Variants in ARHGEF11 observed in about 807,000 individuals in gnomAD.
ARHGEF11 encodes Rho guanine exchange factor (GEF) 11.
A neutral mutation model predicts 193.7 loss-of-function variants in ARHGEF11; 55 were observed. The ratio of observed to expected loss-of-function variants is 0.28; its 90% confidence interval spans 0.23 to 0.36. ARHGEF11 has a LOEUF of 0.36. ARHGEF11 is among the 10% of genes least tolerant of loss of function. The probability of loss-of-function intolerance (pLI) is 1.00; values close to 1 mark genes in which losing one functional copy is unlikely to be tolerated. For synonymous variants in ARHGEF11, 693 were observed against 768.0 expected (o/e 0.90, Z 1.62); for missense variants, 1,723 against 2,005.6 (o/e 0.86, Z 2.69).
At chr1:156,975,884 G>A (rs886463608) in intron 7 of ARHGEF11, among the ~76,000 whole-genome samples, 8 of 152,130 alleles carry the variant, frequency 5.3e-5, no homozygotes, top group African/African-American at 1.9e-4. Context: ...AGATGTATGG[G>A]TTAATTTCTG....
chr1:156,956,882 T>C (rs1660034144), intron 18 of ARHGEF11, among the ~76,000 whole-genome samples: 1 of 152,162 alleles, frequency 6.6e-6, no homozygotes, highest in Admixed American at 6.5e-5. Flanking sequence ...TTCCCTAAAA[T>C]GTAAGTAAAT....
At chr1:156,951,539 G>C (rs777488914) in intron 22 of ARHGEF11, 34 bp downstream of exon 22, 2 of 1,611,594 alleles carry the variant, frequency 1.2e-6, no homozygotes, top group Non-Finnish European at 8.5e-7. Flanking sequence ...CCCACTCTTC[G>C]AGCAGCTGGC....
At chr1:157,000,035 C>T (rs1213205467) in intron 1 of ARHGEF11, among the ~76,000 whole-genome samples, 1 of 152,228 alleles carries the variant, frequency 6.6e-6, no homozygotes, top group Non-Finnish European at 1.5e-5. Context: ...GCGATCTCAG[C>T]TCACTGCAAC....
At chr1:157,016,282 C>G (rs747944419) in intron 1 of ARHGEF11, among the ~76,000 whole-genome samples, 2 of 152,098 alleles carry the variant, frequency 1.3e-5, no homozygotes, top group African/African-American at 4.8e-5. Context: ...TGCAGTGGCA[C>G]GATCTTGGCT....
rs932832912 is a variant in ARHGEF11, at chr1:156,963,290, G to T, written c.1053C>A (p.Phe351Leu). The change falls in exon 13 of 41, where the codon TTC becomes TTA. Residue 351 changes from phenylalanine to leucine, a missense_variant. Physicochemically the swap from Phe to Leu is conservative, Grantham distance 22. Coordinates refer to ENST00000368194, the MANE Select transcript of ARHGEF11 (RefSeq NM_198236.3). ...GAGACTTCAGTTTCTCCAGATCCTG[G>T]AATATGATGTCGCTCTGGAAGGCAG... The part of the protein sequence containing the change: ...GYFNNESDII[F>L]QDLEKLKSRP... 3 of 1,614,076 alleles carry T rather than the reference G, an allele frequency of 1.9e-6. No individual in the cohort carries two copies. Among genetic ancestry groups the T allele is most frequent in the Non-Finnish European group, 2.5e-6 (3 of 1,179,994 alleles).
chr1:156,944,233 T>A (rs1657661543), intron 31 of ARHGEF11, 125 bp downstream of exon 31: 3 of 1,429,154 alleles, frequency 2.1e-6, no homozygotes, highest in Non-Finnish European at 2.9e-6. Context: ...CTCTCTCTGA[T>A]TATTCCCTTC....
intron 7 of ARHGEF11, among the ~76,000 whole-genome samples, chr1:156,974,363 T>C (rs1435085962): frequency 6.6e-6 from 1 of 152,220 alleles, no homozygotes; most frequent in Non-Finnish European, 1.5e-5. Context: ...CTACCACTCC[T>C]GGTCCCACTG....
intron 1 of ARHGEF11, among the ~76,000 whole-genome samples, chr1:157,031,631 A>C (rs1218879007): frequency 6.6e-6 from 1 of 152,180 alleles, no homozygotes; most frequent in African/African-American, 2.4e-5. Context: ...AAAGCAGGAG[A>C]GGAGGAAGAG....
chr1:156,978,234 T>C lies in ARHGEF11; in HGVS notation c.480A>G (p.Pro160=), dbSNP rs1663549196. The part of the protein sequence containing the change: ...SPPPPPPLPP[P]QRITGPKPLQ... Reference sequence around the variant, plus strand: ...GAGGTTTGGGTCCTGTGATGCGTTGTGGAGGTGGTAGAGGTGGAGGAGGTG... The same window carrying C: ...GAGGTTTGGGTCCTGTGATGCGTTGCGGAGGTGGTAGAGGTGGAGGAGGTG... Residue 160 remains proline (P), a synonymous_variant, in exon 6 of 41, where the codon CCA becomes CCG. Transcript: ENST00000368194. 3.7e-6 allele frequency: 6 copies of C among 1,613,990 alleles called. No homozygotes were observed. The highest frequency in any genetic ancestry group is 2.7e-5 in the African/African-American group (2 of 74,902).
chr1:157,009,113 G>A (rs1350562875), intron 1 of ARHGEF11, among the ~76,000 whole-genome samples: 1 of 152,112 alleles, frequency 6.6e-6, no homozygotes, highest in Non-Finnish European at 1.5e-5. Context: ...AATCCTAGGG[G>A]GCAGTTTAGT....
At chr1:157,017,563 C>T (rs561960521) in intron 1 of ARHGEF11, among the ~76,000 whole-genome samples, 6 of 151,794 alleles carry the variant, frequency 4.0e-5, no homozygotes, top group Admixed American at 2.0e-4. Context: ...AAAAATTAGC[C>T]GGACGTGGTG....
chr1:157,044,355 C>G lies in ARHGEF11; in HGVS notation c.-25G>C. The G allele has an allele frequency of 1.2e-6, 2 of 1,612,914 alleles. No homozygotes were observed. Among genetic ancestry groups the G allele is most frequent in the Non-Finnish European group, 1.7e-6 (2 of 1,179,372 alleles). On this transcript the variant is annotated 5_prime_UTR_variant, in exon 1 of 41. Coordinates refer to ENST00000368194, the MANE Select transcript of ARHGEF11 (RefSeq NM_198236.3). Reference sequence around the variant, plus strand: ...TGGTTTCTCGGTGTCTCCACGGTTCCAGAATCCTGTAGCTTTGGTGTCTTG... The same window carrying G: ...TGGTTTCTCGGTGTCTCCACGGTTCGAGAATCCTGTAGCTTTGGTGTCTTG...
chr1:156,941,294 G>T, intron 35 of ARHGEF11, 78 bp downstream of exon 35: 1 of 1,379,836 alleles, frequency 7.2e-7, no homozygotes, highest in Non-Finnish European at 1.0e-6. Flanking sequence ...CTCTCCCATC[G>T]CCCCCATACT....
Position 156,980,429 on chromosome 1 carries a change from T to C in ARHGEF11, c.273+8A>G, listed in dbSNP as rs1236422449. ...CTGGGAGTGGGAGTGTGTGTTGGGG[T>C]CACTCACTTTGATGATCCGGTCGCC... is the stretch of plus-strand genomic sequence containing the variant. On this transcript the variant is annotated splice_region_variant and intron_variant, in intron 4 of 40. Coordinates refer to ENST00000368194, the MANE Select transcript of ARHGEF11 (RefSeq NM_198236.3). 3 of 1,602,952 alleles carry C rather than the reference T, an allele frequency of 1.9e-6. No individual in the cohort carries two copies. The East Asian group carries it at 6.7e-5, about 36-fold the overall frequency.
chr1:156,947,678 A>C, intron 25 of ARHGEF11, 91 bp downstream of exon 25: 1 of 1,507,838 alleles, frequency 6.6e-7, no homozygotes, highest in Non-Finnish European at 8.9e-7. Context: ...CCCCCACCCT[A>C]TTTACCTCTT....
intron 1 of ARHGEF11, among the ~76,000 whole-genome samples, chr1:156,987,951 G>A (rs1245062397): frequency 6.6e-6 from 1 of 152,200 alleles, no homozygotes; most frequent in Admixed American, 6.5e-5. Flanking sequence ...CTTACTAACA[G>A]CCATCAGCTT....
At position 157,035,918 on chromosome 1, in the gene ARHGEF11, T is replaced by C. The variant is rs1187298446; in HGVS notation, c.32+8381A>G. Among the ~76,000 whole-genome samples, 40 of 98,206 alleles carry C rather than the reference T, an allele frequency of 4.1e-4. 1 individual carries two copies. The highest frequency in any genetic ancestry group is 1.3e-3 in the African/African-American group (38 of 29,434). 64.4% of individuals were successfully genotyped at this position (98,206 alleles called of 152,430 possible). A position where few individuals can be genotyped will look rare whatever the true frequency, so the allele number is the denominator to read the frequency against. On this transcript the variant is annotated intron_variant, in intron 1 of 40. Transcript: ENST00000368194. The stretch of plus-strand genomic sequence containing the variant: ...GAATATATATATATGAATCTATATA[T>C]AGGAATATATATATATGAATCTATA...
chr1:157,006,262 G>A (rs1667805841), intron 1 of ARHGEF11, among the ~76,000 whole-genome samples: 2 of 152,144 alleles, frequency 1.3e-5, no homozygotes, highest in South Asian at 4.1e-4. Flanking sequence ...ATGAGCTACT[G>A]CACCTGGCCC....
chr1:156,942,858 G>A, intron 32 of ARHGEF11, 78 bp from the exon 33 acceptor site: 3 of 1,245,198 alleles, frequency 2.4e-6, no homozygotes, highest in Non-Finnish European at 3.5e-6. Context: ...GGGTGACAGA[G>A]TGGGACTCAA....
Sources: gnomAD v4.1 joint callset for allele counts (sites outside exome capture counted in the v4.1 genomes callset) on GRCh38, gnomAD v4.1.1 for gene constraint, MANE v1.5 for transcripts, NCBI Gene and HGNC (gene_info 2026-07-23, HGNC 2026-07-21) for gene names.